TMTC2: variants seen among roughly 807,000 people sequenced by gnomAD.
TMTC2 encodes the protein transmembrane O-mannosyltransferase targeting cadherins 2.
TMTC2 carries 43 observed loss-of-function variants against 82.4 expected under a neutral mutation model. That is an observed-to-expected ratio of 0.52 (90% CI 0.41 to 0.67). The LOEUF (loss-of-function observed/expected upper bound fraction) is 0.67, where lower values mean the gene tolerates loss of function less well. Ranked by LOEUF, TMTC2 falls within the 30% of genes least tolerant of loss-of-function variation. TMTC2 has a pLI of 0.00. For synonymous variants in TMTC2, 408 were observed against 381.9 expected (o/e 1.07, Z -0.80); for missense variants, 919 against 1,012.4 (o/e 0.91, Z 1.25).
chr12:82,978,648 A>G (rs1275931354), intron 7 of TMTC2, among the ~76,000 whole-genome samples: 2 of 151,804 alleles, frequency 1.3e-5, no homozygotes, highest in Non-Finnish European at 3.0e-5. Flanking sequence ...GCTGCGGTGA[A>G]AAATGTGTAT....
intron 1 of TMTC2, among the ~76,000 whole-genome samples, chr12:82,751,920 T>A (rs1045564726): frequency 6.6e-6 from 1 of 151,968 alleles, no homozygotes; most frequent in Non-Finnish European, 1.5e-5. Context: ...ATAAAAGGAG[T>A]GTGTCAGTCT....
chr12:82,817,269 A>T (rs1311228250), intron 1 of TMTC2, among the ~76,000 whole-genome samples: 1 of 152,048 alleles, frequency 6.6e-6, no homozygotes, highest in Non-Finnish European at 1.5e-5. Flanking sequence ...GCGCCCGGCT[A>T]GAATTTTTCT....
chr12:82,867,523 G>A (rs527300752), intron 2 of TMTC2, among the ~76,000 whole-genome samples: 1 of 152,180 alleles, frequency 6.6e-6, no homozygotes, highest in East Asian at 1.9e-4. Flanking sequence ...AATATATCCT[G>A]AATTCCCATC....
At chr12:82,712,268 A>G (rs889430537) in intron 1 of TMTC2, among the ~76,000 whole-genome samples, 5 of 152,132 alleles carry the variant, frequency 3.3e-5, no homozygotes, top group Admixed American at 6.5e-5. Flanking sequence ...TGTCTCTACT[A>G]AAAATTCAAA....
intron 11 of TMTC2, among the ~76,000 whole-genome samples, chr12:83,110,061 A>G (rs912374124): frequency 6.6e-6 from 1 of 152,208 alleles, no homozygotes; most frequent in African/African-American, 2.4e-5. Flanking sequence ...CATTATACTC[A>G]GCTGACGACC....
chr12:82,929,104 T>G (rs1875880243), intron 3 of TMTC2, among the ~76,000 whole-genome samples: 2 of 152,104 alleles, frequency 1.3e-5, no homozygotes, highest in Admixed American at 1.3e-4. Context: ...AGAGAGGGCC[T>G]CACTCTGTCG....
At chr12:82,780,721 T>C (rs751498353) in intron 1 of TMTC2, among the ~76,000 whole-genome samples, 3 of 152,060 alleles carry the variant, frequency 2.0e-5, no homozygotes, top group Non-Finnish European at 2.9e-5. Flanking sequence ...TGTGTTTGTA[T>C]TCTCAGAGGC....
At chr12:82,962,544 G>A (rs1877988686) in intron 4 of TMTC2, among the ~76,000 whole-genome samples, 1 of 151,984 alleles carries the variant, frequency 6.6e-6, no homozygotes, top group Admixed American at 6.6e-5. Context: ...AGCAACTGGA[G>A]TGAATGACTG....
Position 82,986,061 on chromosome 12 carries a change from T to A in TMTC2, c.2070+15T>A. On this transcript the variant is annotated intron_variant, in intron 8 of 11. Coordinates refer to ENST00000321196, the MANE Select transcript of TMTC2 (RefSeq NM_152588.3). ...TAGCTCTAACAGTGAGTAACCGCCT[T>A]CCTTGGTCTTTAAAACTTGGTTTTC... 6.2e-7 allele frequency: 1 copy of A among 1,613,834 alleles called. No homozygotes were observed. Among genetic ancestry groups the A allele is most frequent in the South Asian group, 1.1e-5 (1 of 91,076 alleles).
intron 8 of TMTC2, among the ~76,000 whole-genome samples, chr12:83,011,126 C>T (rs978281097): frequency 2.4e-4 from 37 of 152,170 alleles, no homozygotes; most frequent in Non-Finnish European, 4.6e-4. Context: ...TGAGCCACTG[C>T]GCCCGGCCTG....
At chr12:82,876,046 T>TGGTGGC (rs1872494001) in intron 2 of TMTC2, among the ~76,000 whole-genome samples, 1 of 118,626 alleles carries the variant, frequency 8.4e-6, no homozygotes, top group African/African-American at 3.0e-5. Context: ...GTGGTGGTGG[T>TGGTGGC]GGTGGTGGTG....
At chr12:82,711,893 A>G (rs984801796) in intron 1 of TMTC2, among the ~76,000 whole-genome samples, 2 of 152,226 alleles carry the variant, frequency 1.3e-5, no homozygotes, top group African/African-American at 4.8e-5. Context: ...TTTTATTGAC[A>G]GCTCATATCG....
chr12:82,835,471 T>C (rs1592560972), intron 1 of TMTC2, among the ~76,000 whole-genome samples: 1 of 152,194 alleles, frequency 6.6e-6, no homozygotes, highest in East Asian at 1.9e-4. Flanking sequence ...TAGATTTGGA[T>C]CCAATTTTAG....
At position 82,811,807 on chromosome 12, in the gene TMTC2, C is replaced by CTTT. The variant is rs1171596880; in HGVS notation, c.84-45179_84-45177dup. ...AAGTTTTCTTTTCCATGCTCTCCTTCTTTTTTTTTTTTTTTTTTTTTTTTT... is the reference window on the plus strand; with the variant it reads ...AAGTTTTCTTTTCCATGCTCTCCTTCTTTTTTTTTTTTTTTTTTTTTTTTTTTT... On this transcript the variant is annotated intron_variant, in intron 1 of 11. Coordinates refer to ENST00000321196, the MANE Select transcript of TMTC2 (RefSeq NM_152588.3). 3.1e-4 allele frequency among the ~76,000 whole-genome samples: 28 copies of CTTT among 91,098 alleles called. 1 individual carries two copies. Among genetic ancestry groups the CTTT allele is most frequent in the Non-Finnish European group, 4.0e-4 (19 of 46,988 alleles). The allele number at this position is 91,098 out of a possible 152,430, so 59.8% of individuals were successfully genotyped here.
chr12:82,898,773 C>T (rs972465987), intron 3 of TMTC2, among the ~76,000 whole-genome samples: 1 of 152,140 alleles, frequency 6.6e-6, no homozygotes, highest in Non-Finnish European at 1.5e-5. Context: ...TGTTCACAGA[C>T]CACTGGGCAC....
intron 2 of TMTC2, among the ~76,000 whole-genome samples, chr12:82,888,807 T>C (rs1873235629): frequency 6.6e-6 from 1 of 152,224 alleles, no homozygotes; most frequent in African/African-American, 2.4e-5. Context: ...TGTTTTGATA[T>C]TGTATATCCC....
At chr12:83,076,065 C>T (rs1883275622) in intron 11 of TMTC2, among the ~76,000 whole-genome samples, 2 of 152,272 alleles carry the variant, frequency 1.3e-5, no homozygotes, top group East Asian at 1.9e-4. Flanking sequence ...TAACTGTTGG[C>T]GTGGGCAAGT....
At chr12:82,882,294 C>T (rs1296471304) in intron 2 of TMTC2, among the ~76,000 whole-genome samples, 4 of 152,120 alleles carry the variant, frequency 2.6e-5, no homozygotes, top group Admixed American at 2.6e-4. Flanking sequence ...CCACCGCGCC[C>T]GGCCAAGATG....
chr12:82,698,995 T>G (rs1872945884), intron 1 of TMTC2, among the ~76,000 whole-genome samples: 1 of 152,202 alleles, frequency 6.6e-6, no homozygotes, highest in Admixed American at 6.5e-5. Flanking sequence ...GAATTGTTTA[T>G]TCCTGGAATT....
Sources: gnomAD v4.1 joint callset for allele counts (sites outside exome capture counted in the v4.1 genomes callset) on GRCh38, gnomAD v4.1.1 for gene constraint, MANE v1.5 for transcripts, NCBI Gene and HGNC (gene_info 2026-07-23, HGNC 2026-07-21) for gene names.